The following CDH23 variants were observed in gnomAD, a reference collection of about 807,000 sequenced individuals.
The protein encoded by CDH23 is cadherin related 23, also known as cadherin-23.
Under a neutral mutation model 317.1 loss-of-function variants are expected in CDH23, and 189 were observed. The ratio of observed to expected loss-of-function variants is 0.60; its 90% CI spans 0.53 to 0.67. CDH23 has a LOEUF of 0.67. Ranked by LOEUF, CDH23 falls within the 30% of genes least tolerant of loss-of-function variation. The probability of loss-of-function intolerance (pLI) is 0.00; values close to 1 mark genes in which losing one functional copy is unlikely to be tolerated. For synonymous variants in CDH23, 1,839 were observed against 1,876.8 expected (o/e 0.98, Z 0.52); for missense variants, 4,401 against 4,592.4 (o/e 0.96, Z 1.20).
In CDH23 at chr10:71,751,526, G is replaced by T. The variant is rs1840002143; in HGVS notation, c.4845+9605G>T. On this transcript the variant is annotated intron_variant, in intron 38 of 69. Coordinates refer to ENST00000224721, the MANE Select transcript of CDH23 (RefSeq NM_022124.6). The surrounding 1 kb of genome is among the most constrained non-coding windows in gnomAD (Gnocchi z 4.9). ...GAACTCTTCAGGGAGGTGAATGGGG[G>T]CCCCTCTGTCCCTCACCCTCAACCC... 6.8e-6 allele frequency: 4 copies of T among 586,772 alleles called. No individual in the cohort carries two copies. In the East Asian group the frequency reaches 9.0e-5, roughly 13 times the overall value. The allele number at this position is 586,772 out of a possible 1,614,324, so 36.3% of individuals were successfully genotyped here.
At chr10:71,778,043 G>C in intron 39 of CDH23, 142 bp downstream of exon 39, 2 of 1,436,220 alleles carry the variant, frequency 1.4e-6, no homozygotes, top group Non-Finnish European at 1.9e-6. Context: ...AGGATGAAAA[G>C]TTTGGTGGAG....
intron 3 of CDH23, among the ~76,000 whole-genome samples, chr10:71,489,097 C>T (rs1305564820): frequency 6.6e-6 from 1 of 152,162 alleles, no homozygotes; most frequent in Non-Finnish European, 1.5e-5. Flanking sequence ...TGCTGGATTT[C>T]ATTTGTCTTC....
At chr10:71,509,937 G>A (rs1311058951) in intron 3 of CDH23, 145 bp from the exon 4 acceptor site, 54 of 824,956 alleles carry the variant, frequency 6.5e-5, no homozygotes, top group African/African-American at 3.2e-4. Flanking sequence ...TCCCAGATGC[G>A]CCAGGGCCTT....
chr10:71,520,330 C>A (rs1008618985), intron 6 of CDH23, among the ~76,000 whole-genome samples: 3 of 152,200 alleles, frequency 2.0e-5, no homozygotes, highest in Non-Finnish European at 2.9e-5. Context: ...CAAGAAACAG[C>A]TGGTAATAGG....
chr10:71,721,874 C>T (rs1866573631), intron 28 of CDH23, among the ~76,000 whole-genome samples: 1 of 152,162 alleles, frequency 6.6e-6, no homozygotes, highest in African/African-American at 2.4e-5. Context: ...GTCCTAGTTC[C>T]TTCCTTAGCC....
chr10:71,628,631 G>A (rs1248247167), intron 11 of CDH23, among the ~76,000 whole-genome samples: 1 of 152,104 alleles, frequency 6.6e-6, no homozygotes, highest in Non-Finnish European at 1.5e-5. Context: ...CTGAGTAGTT[G>A]GGATTACAGG....
Position 71,471,692 on chromosome 10 carries a change from C to T in CDH23, c.145+25297C>T, listed in dbSNP as rs189832046. 1.5e-3 allele frequency among the ~76,000 whole-genome samples: 222 copies of T among 151,880 alleles called. 2 individuals carry two copies. The highest frequency in any genetic ancestry group is 2.6e-3 in the Non-Finnish European group (180 of 68,032). Reference sequence around the variant, plus strand: ...AAACCCTCCCTCTCTAACCATCCCACGCCGTGTTGTTTCTGACCCCAGGGC... The same window carrying T: ...AAACCCTCCCTCTCTAACCATCCCATGCCGTGTTGTTTCTGACCCCAGGGC... On this transcript the variant is annotated intron_variant, in intron 3 of 69. Coordinates refer to ENST00000224721, the MANE Select transcript of CDH23 (RefSeq NM_022124.6).
intron 7 of CDH23, among the ~76,000 whole-genome samples, chr10:71,570,302 G>A (rs937610716): frequency 6.6e-6 from 1 of 152,196 alleles, no homozygotes; most frequent in Admixed American, 6.5e-5. Flanking sequence ...TTCTTCTGAG[G>A]AGTCCCCATC....
chr10:71,765,820 G>T (rs185444282), intron 38 of CDH23, among the ~76,000 whole-genome samples: 1 of 152,172 alleles, frequency 6.6e-6, no homozygotes, highest in Admixed American at 6.5e-5. Flanking sequence ...GGGAGCAGGG[G>T]AGGATGTTCA....
intron 9 of CDH23, among the ~76,000 whole-genome samples, chr10:71,594,054 A>T (rs1351732486): frequency 6.6e-6 from 1 of 152,200 alleles, no homozygotes; most frequent in African/African-American, 2.4e-5. Context: ...TGATCATGCC[A>T]TTGCACTACA....
chr10:71,609,218 G>A (rs1020786703), intron 9 of CDH23, among the ~76,000 whole-genome samples: 4 of 151,610 alleles, frequency 2.6e-5, no homozygotes, highest in African/African-American at 9.7e-5. Flanking sequence ...CACATGGCTC[G>A]AAGAGAGAGA....
chr10:71,574,571 C>T (rs1328024599), intron 8 of CDH23, among the ~76,000 whole-genome samples: 1 of 152,168 alleles, frequency 6.6e-6, no homozygotes. Context: ...GCAAGCTGCA[C>T]GTTCACCTTT....
In CDH23 at chr10:71,483,479, G is replaced by A. The variant is rs75609821; in HGVS notation, c.146-26603G>A. On this transcript the variant is annotated intron_variant, in intron 3 of 69. Coordinates refer to ENST00000224721, the MANE Select transcript of CDH23 (RefSeq NM_022124.6). ...CGCCCCTCATCTTGCTCCTCACTTT[G>A]CCAGTCTCTCTGCCCTGTTCCCAGC... Among the ~76,000 whole-genome samples the A allele has an allele frequency of 9.6e-3, 1,453 of 152,094 alleles. 18 individuals carry two copies. Among genetic ancestry groups the A allele is most frequent in the African/African-American group, 0.034 (1,394 of 41,464 alleles).
At chr10:71,734,771 A>G in intron 34 of CDH23, 113 bp downstream of exon 34, 1 of 639,314 alleles carries the variant, frequency 1.6e-6, no homozygotes, top group South Asian at 1.4e-5. Flanking sequence ...GCACGTGGAC[A>G]GGCCTGCAGC....
intron 46 of CDH23, chr10:71,790,690 C>A: frequency 2.0e-6 from 1 of 509,720 alleles, no homozygotes; most frequent in Non-Finnish European, 3.5e-6. Context: ...CCCGTCATCT[C>A]CCCATGCGCA....
intron 3 of CDH23, among the ~76,000 whole-genome samples, chr10:71,459,717 C>T (rs879565154): frequency 8.5e-5 from 13 of 152,286 alleles, no homozygotes; most frequent in East Asian, 5.8e-4. Flanking sequence ...GCCCTGGCAG[C>T]GGGCAACTCT....
intron 6 of CDH23, among the ~76,000 whole-genome samples, chr10:71,520,060 G>C (rs572016503): frequency 6.6e-6 from 1 of 152,190 alleles, no homozygotes; most frequent in Non-Finnish European, 1.5e-5. Flanking sequence ...TGCCTGCTGC[G>C]GCTTCCTAAA....
intron 3 of CDH23, among the ~76,000 whole-genome samples, chr10:71,465,634 C>T (rs773586133): frequency 3.9e-5 from 6 of 152,216 alleles, no homozygotes; most frequent in African/African-American, 7.2e-5. Flanking sequence ...GAATTTTTAC[C>T]GCTGTTTACC....
At chr10:71,494,488 A>G (rs1235811245) in intron 3 of CDH23, among the ~76,000 whole-genome samples, 1 of 152,156 alleles carries the variant, frequency 6.6e-6, no homozygotes, top group Non-Finnish European at 1.5e-5. Context: ...ATCTTCGGCA[A>G]GTTGCTAAAC....
Sources: allele counts gnomAD v4.1 joint callset (sites outside exome capture counted in the v4.1 genomes callset), GRCh38; gene constraint gnomAD v4.1.1; non-coding constraint Gnocchi (gnomAD v3.1); transcripts MANE v1.5; gene names NCBI Gene and HGNC (gene_info 2026-07-23, HGNC 2026-07-21).